The following CORIN variants were observed in gnomAD, a reference collection of about 807,000 sequenced individuals.
CORIN encodes corin, serine peptidase.
CORIN carries 117 observed loss-of-function variants against 125.3 expected under a neutral mutation model. The observed-to-expected ratio is 0.93, with a 90% confidence interval of 0.80 to 1.09. CORIN has a LOEUF of 1.09. Ranked by LOEUF, CORIN falls within the 50% of genes least tolerant of loss-of-function variation. The pLI is 0.00. For synonymous variants in CORIN, 450 were observed against 466.4 expected (o/e 0.96, Z 0.45); for missense variants, 1,253 against 1,306.7 (o/e 0.96, Z 0.63).
chr4:47,601,957 T>C (rs530893294), intron 20 of CORIN, among the ~76,000 whole-genome samples: 80 of 152,242 alleles, frequency 5.3e-4, no homozygotes, highest in Non-Finnish European at 1.0e-3. Flanking sequence ...TATACATTAT[T>C]ATTCTTGAAA....
At chr4:47,806,839 A>T in intron 2 of CORIN, 64 bp downstream of exon 2, 2 of 1,493,170 alleles carry the variant, frequency 1.3e-6, no homozygotes, top group Non-Finnish European at 1.8e-6. Flanking sequence ...AGTAGAAATC[A>T]CTCTTCTAGA....
chr4:47,649,235 C>T (rs1157869438), intron 13 of CORIN, among the ~76,000 whole-genome samples: 2 of 152,204 alleles, frequency 1.3e-5, no homozygotes, highest in Non-Finnish European at 2.9e-5. Flanking sequence ...GGACTTTAAA[C>T]TGCATGGCTC....
chr4:47,757,889 T>TAC (rs1560535423), intron 4 of CORIN, among the ~76,000 whole-genome samples: 2 of 143,784 alleles, frequency 1.4e-5, no homozygotes, highest in Non-Finnish European at 3.0e-5. Context: ...TATATATATA[T>TAC]ATATATATAT....
chr4:47,646,277 T>C (rs1723480573), intron 13 of CORIN, among the ~76,000 whole-genome samples: 1 of 152,224 alleles, frequency 6.6e-6, no homozygotes, highest in Non-Finnish European at 1.5e-5. Flanking sequence ...GGAGGCCATC[T>C]GTTTTTTTAG....
intron 16 of CORIN, among the ~76,000 whole-genome samples, chr4:47,635,721 T>C (rs1722997105): frequency 6.6e-6 from 1 of 152,232 alleles, no homozygotes; most frequent in Non-Finnish European, 1.5e-5. Flanking sequence ...GGCTTTTGCA[T>C]GTTGGTAATA....
Position 47,838,059 on chromosome 4 carries a change from A to G in CORIN, c.-110T>C, listed in dbSNP as rs1733556057. On this transcript the variant is annotated 5_prime_UTR_variant, in exon 1 of 22. Transcript: ENST00000273857. ...GGATGATTTTCTCCAAGCTCAAGAG[A>G]GACAAACTGAACTTTAAGCGCCAGG... 7.1e-6 allele frequency: 11 copies of G among 1,542,854 alleles called. No homozygotes were observed. In the Admixed American group the frequency reaches 1.5e-4, roughly 21 times the overall value.
intron 19 of CORIN, among the ~76,000 whole-genome samples, chr4:47,608,033 A>C (rs970128200): frequency 6.6e-5 from 10 of 152,174 alleles, no homozygotes; most frequent in African/African-American, 2.4e-4. Context: ...AAAACCATTA[A>C]ATTATGGCCA....
At chr4:47,602,133 T>C (rs1450816031) in intron 20 of CORIN, among the ~76,000 whole-genome samples, 1 of 150,812 alleles carries the variant, frequency 6.6e-6, no homozygotes, top group Non-Finnish European at 1.5e-5. Context: ...TAGCCAGGCG[T>C]CATGGCACAT....
intron 15 of CORIN, 98 bp from the exon 16 acceptor site, chr4:47,642,147 TTTTCA>T (rs1250985293): frequency 5.5e-5 from 69 of 1,260,124 alleles, no homozygotes; most frequent in Non-Finnish European, 7.5e-5. Context: ...CATACATTCA[TTTTCA>T]TTTATTTTAG....
At chr4:47,670,891 C>T (rs1466042577) in intron 10 of CORIN, among the ~76,000 whole-genome samples, 1 of 152,202 alleles carries the variant, frequency 6.6e-6, no homozygotes, top group Admixed American at 6.5e-5. Flanking sequence ...TGTGACTGGA[C>T]ATGGCAACAC....
At chr4:47,611,385 G>A (rs1721862299) in intron 19 of CORIN, among the ~76,000 whole-genome samples, 1 of 152,052 alleles carries the variant, frequency 6.6e-6, no homozygotes, top group South Asian at 2.1e-4. Flanking sequence ...TCATGATTTG[G>A]CTCTGTGCTT....
At chr4:47,811,178 G>A (rs1174136549) in intron 1 of CORIN, among the ~76,000 whole-genome samples, 2 of 152,114 alleles carry the variant, frequency 1.3e-5, no homozygotes, top group Non-Finnish European at 2.9e-5. Context: ...ACTATAGCCA[G>A]AGTAAGAAAG....
intron 1 of CORIN, among the ~76,000 whole-genome samples, chr4:47,831,844 G>A (rs921783968): frequency 1.3e-5 from 2 of 152,006 alleles, no homozygotes; most frequent in South Asian, 4.2e-4. Flanking sequence ...GGATTAGGGT[G>A]AAGCCTAAAT....
chr4:47,654,196 G>A (rs1037792545), intron 12 of CORIN, among the ~76,000 whole-genome samples: 1 of 152,020 alleles, frequency 6.6e-6, no homozygotes, highest in East Asian at 1.9e-4. Context: ...AAAACACCTG[G>A]AGTACTAATT....
At chr4:47,814,207 A>G (rs185646092) in intron 1 of CORIN, among the ~76,000 whole-genome samples, 5 of 152,278 alleles carry the variant, frequency 3.3e-5, no homozygotes, top group Admixed American at 3.3e-4. Flanking sequence ...TGTGTCCTAA[A>G]CAGGACACAG....
intron 12 of CORIN, among the ~76,000 whole-genome samples, chr4:47,660,175 C>T (rs1313164355): frequency 6.6e-6 from 1 of 152,136 alleles, no homozygotes; most frequent in Admixed American, 6.5e-5. Flanking sequence ...TCACCACATA[C>T]AAAAATCAAA....
At chr4:47,836,100 G>A (rs1214565158) in intron 1 of CORIN, among the ~76,000 whole-genome samples, 2 of 152,024 alleles carry the variant, frequency 1.3e-5, no homozygotes, top group African/African-American at 4.8e-5. Flanking sequence ...TGAAATTCTT[G>A]GTGTCCTGGA....
intron 1 of CORIN, among the ~76,000 whole-genome samples, chr4:47,810,829 G>A (rs1732031106): frequency 6.6e-6 from 1 of 152,138 alleles, no homozygotes. Context: ...GATCTCCAGA[G>A]GAAGATTGCA....
chr4:47,762,047 TAC>T (rs1729486224), intron 4 of CORIN, among the ~76,000 whole-genome samples: 3 of 152,194 alleles, frequency 2.0e-5, no homozygotes, highest in Admixed American at 1.3e-4. Context: ...TACACATGTA[TAC>T]ACACATATAT....
Sources: gnomAD v4.1 joint callset for allele counts (sites outside exome capture counted in the v4.1 genomes callset) on GRCh38, gnomAD v4.1.1 for gene constraint, MANE v1.5 for transcripts, NCBI Gene and HGNC (gene_info 2026-07-23, HGNC 2026-07-21) for gene names.